The following PACRG variants were observed in gnomAD, a reference collection of about 807,000 sequenced individuals.
The protein encoded by PACRG is parkin coregulated gene protein.
A neutral mutation model predicts 29.7 loss-of-function variants in PACRG; 29 were observed. That is an observed-to-expected ratio of 0.98 (90% CI 0.73 to 1.33). The LOEUF (loss-of-function observed/expected upper bound fraction) is 1.33, where lower values mean the gene tolerates loss of function less well. Ranked by LOEUF, PACRG falls within the 40% of genes most tolerant of loss-of-function variation. The pLI is 0.00. For missense variants in PACRG, 279 were observed against 316.2 expected (o/e 0.88, Z 0.89); for synonymous variants, 116 against 118.7 (o/e 0.98, Z 0.15).
At chr6:163,187,782 G>C (rs1780020290) in intron 4 of PACRG, 1 of 152,494 alleles carries the variant, frequency 6.6e-6, no homozygotes, top group Non-Finnish European at 1.5e-5. Context: ...CAGCACTGCT[G>C]TGACGCGGCA....
At chr6:162,754,455 C>T (rs150892091) in intron 1 of PACRG, among the ~76,000 whole-genome samples, 23 of 152,208 alleles carry the variant, frequency 1.5e-4, no homozygotes, top group African/African-American at 5.5e-4. Flanking sequence ...TGTGCAGAAA[C>T]TTTTTAGTTT....
intron 2 of PACRG, among the ~76,000 whole-genome samples, chr6:162,822,421 C>T (rs774170428): frequency 2.0e-5 from 3 of 152,154 alleles, no homozygotes; most frequent in Non-Finnish European, 4.4e-5. Flanking sequence ...TCACAAAGTT[C>T]ATTATGTATG....
intron 4 of PACRG, among the ~76,000 whole-genome samples, chr6:163,305,049 A>G (rs972725587): frequency 3.3e-5 from 5 of 152,234 alleles, no homozygotes; most frequent in Non-Finnish European, 7.3e-5. Context: ...CAGCAACTGC[A>G]CAAAGAAAGG....
At chr6:163,102,503 C>T (rs1332362594) in intron 4 of PACRG, among the ~76,000 whole-genome samples, 2 of 152,198 alleles carry the variant, frequency 1.3e-5, no homozygotes, top group African/African-American at 2.4e-5. Flanking sequence ...AGGAGAGTCT[C>T]CCTCTCTGGG....
intron 4 of PACRG, among the ~76,000 whole-genome samples, chr6:163,197,569 A>G (rs373623691): frequency 6.8e-6 from 1 of 147,984 alleles, no homozygotes; most frequent in African/African-American, 2.5e-5. Context: ...TCAGCCTCCC[A>G]AGTATCTGGG....
At chr6:163,252,779 G>T (rs1782958567) in intron 4 of PACRG, among the ~76,000 whole-genome samples, 1 of 152,208 alleles carries the variant, frequency 6.6e-6, no homozygotes, top group Admixed American at 6.5e-5. Context: ...CAGAACAAAA[G>T]ACAAAGTATA....
intron 1 of PACRG, among the ~76,000 whole-genome samples, chr6:162,801,570 T>A (rs1785878696): frequency 1.3e-5 from 2 of 152,192 alleles, no homozygotes; most frequent in South Asian, 4.1e-4. Flanking sequence ...TTAATTTTGG[T>A]TTTTATTTAT....
intron 4 of PACRG, among the ~76,000 whole-genome samples, chr6:163,297,533 G>A (rs1784821554): frequency 6.6e-6 from 1 of 151,970 alleles, no homozygotes; most frequent in Non-Finnish European, 1.5e-5. Flanking sequence ...TTCAGCTTGG[G>A]CTTCCTAGAG....
At chr6:162,786,723 G>GTTTT (rs34982424) in intron 1 of PACRG, among the ~76,000 whole-genome samples, 253 of 148,160 alleles carry the variant, frequency 1.7e-3, no homozygotes, top group African/African-American at 6.0e-3. Context: ...ATAGCAAGTG[G>GTTTT]TTTTTTTTTT....
chr6:163,162,256 C>G (rs1029793559), intron 4 of PACRG, among the ~76,000 whole-genome samples: 1 of 152,202 alleles, frequency 6.6e-6, no homozygotes, highest in Non-Finnish European at 1.5e-5. Flanking sequence ...CAGGGAGAGG[C>G]AGCTGCAGGT....
chr6:163,190,728 T>C (rs1433214103), intron 4 of PACRG: 1 of 224,318 alleles, frequency 4.5e-6, no homozygotes, highest in Non-Finnish European at 9.2e-6. Flanking sequence ...AGAACTAGAA[T>C]TGGGCAAAAG....
chr6:162,978,439 C>T (rs1802137593), intron 2 of PACRG, among the ~76,000 whole-genome samples: 1 of 151,368 alleles, frequency 6.6e-6, no homozygotes, highest in South Asian at 2.1e-4. Flanking sequence ...ATCTCTGTCT[C>T]TCTATCTCTG....
intron 4 of PACRG, chr6:163,191,738 C>T (rs1269797789): frequency 2.2e-6 from 1 of 456,428 alleles, no homozygotes; most frequent in Admixed American, 2.3e-5. Context: ...TCCACTCCCA[C>T]TCAGAGCCAT....
rs146726475 is a variant in PACRG at position 163,281,726 on chromosome 6, A to C, written c.614-33101A>C. Among the ~76,000 whole-genome samples the C allele has an allele frequency of 5.9e-5, 9 of 152,356 alleles. No individual in the cohort carries two copies. The East Asian group carries it at 1.5e-3, about 26-fold the overall frequency. On this transcript the variant is annotated intron_variant, in intron 4 of 4. Coordinates refer to ENST00000366888, the MANE Select transcript of PACRG (RefSeq NM_001080379.2). The stretch of plus-strand genomic sequence containing the variant: ...AAGCAAAATTCAGAATCCATAGAGT[A>C]ATAATATATAATTGAAATACAGTGT...
Position 162,988,359 on chromosome 6 carries a change from G to C in PACRG, c.292-73791G>C, listed in dbSNP as rs118135840. 9.8e-5 allele frequency among the ~76,000 whole-genome samples: 15 copies of C among 152,290 alleles called. No individual in the cohort carries two copies. In the East Asian group the frequency reaches 2.3e-3, roughly 24 times the overall value. ...CGAGGTAGAGAGAGCAATAGATGCA[G>C]GTTCAGCATAGGTGAAAGCTGGGAC... On this transcript the variant is annotated intron_variant, in intron 2 of 4. Transcript: ENST00000366888.
At chr6:162,842,726 G>A (rs1414887623) in intron 2 of PACRG, among the ~76,000 whole-genome samples, 8 of 127,860 alleles carry the variant, frequency 6.3e-5, no homozygotes, top group Non-Finnish European at 9.5e-5. Flanking sequence ...ATTTTGCAGC[G>A]GCTGGTACCA....
intron 2 of PACRG, among the ~76,000 whole-genome samples, chr6:162,873,414 CAT>C: frequency 6.6e-6 from 1 of 152,316 alleles, no homozygotes; most frequent in Admixed American, 6.5e-5. Context: ...TTACTCAACA[CAT>C]ATGTGTCTGT....
At chr6:162,918,401 G>A (rs1796842897) in intron 2 of PACRG, among the ~76,000 whole-genome samples, 1 of 152,070 alleles carries the variant, frequency 6.6e-6, no homozygotes, top group South Asian at 2.1e-4. Flanking sequence ...GAAATTTTAT[G>A]TTCTCATCAA....
chr6:163,071,365 A>G (rs1226361349), intron 3 of PACRG, among the ~76,000 whole-genome samples: 1 of 152,156 alleles, frequency 6.6e-6, no homozygotes, highest in Non-Finnish European at 1.5e-5. Flanking sequence ...ACAATGGACT[A>G]AAACTAGAAA....
Sources: gnomAD v4.1 joint callset for allele counts (sites outside exome capture counted in the v4.1 genomes callset) on GRCh38, gnomAD v4.1.1 for gene constraint, MANE v1.5 for transcripts, NCBI Gene and HGNC (gene_info 2026-07-23, HGNC 2026-07-21) for gene names.